Variants in ZNF697 observed in about 807,000 individuals in gnomAD.
ZNF697 encodes the protein zinc finger protein 697.
In ZNF697, 23 loss-of-function variants were observed where a neutral mutation model predicts 32.4. The ratio of observed to expected loss-of-function variants is 0.71; its 90% confidence interval spans 0.51 to 1.01. The LOEUF is 1.01. Ranked by LOEUF, ZNF697 falls within the 50% of genes least tolerant of loss-of-function variation. The pLI is 0.00. For synonymous variants in ZNF697, 418 were observed against 337.2 expected (o/e 1.24, Z -2.62); for missense variants, 930 against 794.0 (o/e 1.17, Z -2.06).
At chr1:119,634,893 G>A (rs1648878867) in intron 1 of ZNF697, among the ~76,000 whole-genome samples, 1 of 152,180 alleles carries the variant, frequency 6.6e-6, no homozygotes, top group Non-Finnish European at 1.5e-5. Flanking sequence ...TCAGGTGTTG[G>A]TACTGAGATT....
At position 119,622,300 on chromosome 1, in the gene ZNF697, C is replaced by G. The variant is rs1198998920; in HGVS notation, c.*405G>C. The G allele has an allele frequency of 5.8e-6, 1 of 172,958 alleles. No individual in the cohort carries two copies. Among genetic ancestry groups the G allele is most frequent in the African/African-American group, 2.4e-5 (1 of 41,962 alleles). The allele number at this position is 172,958 out of a possible 1,614,324, so 10.7% of individuals were successfully genotyped here. On this transcript the variant is annotated 3_prime_UTR_variant, in exon 3 of 3. Transcript: ENST00000421812. ...CACTTATACTTGGTTTTATTTCGCCCCATAACCCTCATTTAAACCCTCTCC... is the reference window on the plus strand; with the variant it reads ...CACTTATACTTGGTTTTATTTCGCCGCATAACCCTCATTTAAACCCTCTCC...
At chr1:119,646,671 C>T (rs886883755) in intron 1 of ZNF697, among the ~76,000 whole-genome samples, 8 of 152,144 alleles carry the variant, frequency 5.3e-5, no homozygotes, top group African/African-American at 1.7e-4. Context: ...GTTCCTCAAA[C>T]GTATTCCACA....
chr1:119,633,395 TA>T (rs1483206436), intron 1 of ZNF697, among the ~76,000 whole-genome samples: 80 of 143,696 alleles, frequency 5.6e-4, no homozygotes, highest in African/African-American at 1.6e-3. Context: ...TGTGTGTGTA[TA>T]GAGAGAGAGA....
chr1:119,633,245 A>G (rs1648828178), intron 1 of ZNF697, among the ~76,000 whole-genome samples: 1 of 152,210 alleles, frequency 6.6e-6, no homozygotes, highest in South Asian at 2.1e-4. Context: ...CATCTCTTTA[A>G]TATAAAACAC....
chr1:119,625,725 C>G lies in ZNF697; in HGVS notation c.226+150G>C, dbSNP rs1648558639. ...AAAAAGGATGGTCTTCAGGCTAACA[C>G]AAGAGAGGCAAGTCAGTACAGAATC... On this transcript the variant is annotated intron_variant, in intron 2 of 2. Coordinates refer to ENST00000421812, the MANE Select transcript of ZNF697 (RefSeq NM_001080470.2). 2.6e-6 allele frequency: 3 copies of G among 1,140,492 alleles called. No individual in the cohort carries two copies. The East Asian group carries it at 7.7e-5, about 29-fold the overall frequency. 70.6% of individuals were successfully genotyped at this position (1,140,492 alleles called of 1,614,324 possible). A position where few individuals can be genotyped will look rare whatever the true frequency, so the allele number is the denominator to read the frequency against.
At chr1:119,646,270 G>T (rs1013374421) in intron 1 of ZNF697, among the ~76,000 whole-genome samples, 2 of 150,670 alleles carry the variant, frequency 1.3e-5, no homozygotes, top group African/African-American at 4.9e-5. Context: ...TCTCTGTTGG[G>T]CATGGCTGAA....
chr1:119,629,746 G>T lies in ZNF697; in HGVS notation c.-37-3609C>A, dbSNP rs114462030. On this transcript the variant is annotated intron_variant, in intron 1 of 2. Coordinates refer to ENST00000421812, the MANE Select transcript of ZNF697 (RefSeq NM_001080470.2). ...TACACACCCCCATTCTAAATTGGGG[G>T]TCACCTATTCCCAGCTACGTTCATG... Among the ~76,000 whole-genome samples, 794 of 152,284 alleles carry T rather than the reference G, an allele frequency of 5.2e-3. 11 individuals carry two copies. The highest frequency in any genetic ancestry group is 0.018 in the African/African-American group (752 of 41,548).
At chr1:119,629,786 G>C (rs1219379291) in intron 1 of ZNF697, among the ~76,000 whole-genome samples, 2 of 152,162 alleles carry the variant, frequency 1.3e-5, no homozygotes, top group African/African-American at 4.8e-5. Context: ...ATGGCCTTTG[G>C]CAAGTACAAA....
rs1648275468 is a variant in ZNF697 at position 119,620,461 on chromosome 1, G to A, written c.*2244C>T. The A allele has an allele frequency of 6.6e-6, 1 of 152,592 alleles. No individual in the cohort carries two copies. The highest frequency in any genetic ancestry group is 1.5e-5 in the Non-Finnish European group (1 of 68,034). The allele number at this position is 152,592 out of a possible 1,614,324, so 9.5% of individuals were successfully genotyped here. A position where few individuals can be genotyped will look rare whatever the true frequency, so the allele number is the denominator to read the frequency against. ...AGACTTGAGAAAACTTAAAACAGCTGGAAGAGGTAGATGTACATGGAAAGA... is the reference window on the plus strand; with the variant it reads ...AGACTTGAGAAAACTTAAAACAGCTAGAAGAGGTAGATGTACATGGAAAGA... On this transcript the variant is annotated 3_prime_UTR_variant, in exon 3 of 3. Coordinates refer to ENST00000421812, the MANE Select transcript of ZNF697 (RefSeq NM_001080470.2).
intron 1 of ZNF697, among the ~76,000 whole-genome samples, chr1:119,646,357 A>G (rs1358590602): frequency 6.7e-6 from 1 of 149,814 alleles, no homozygotes; most frequent in African/African-American, 2.5e-5. Flanking sequence ...ACACACACAC[A>G]CACACACGGC....
Position 119,624,012 on chromosome 1 carries a change from T to C in ZNF697, c.331A>G (p.Ser111Gly). 1.2e-6 allele frequency: 2 copies of C among 1,613,230 alleles called. No homozygotes were observed. Among genetic ancestry groups the C allele is most frequent in the Non-Finnish European group, 8.5e-7 (1 of 1,179,672 alleles). ...AMFPGLSESD[S>G]ISRSLREDDD... ...TCCTCCCGGAGGCTCCGGGATATGCTGTCAGACTCAGACAGTCCTGGGAAC... is the reference window on the plus strand; with the variant it reads ...TCCTCCCGGAGGCTCCGGGATATGCCGTCAGACTCAGACAGTCCTGGGAAC... The change falls in exon 3 of 3, where the codon AGC becomes GGC. Residue 111 changes from serine to glycine, a missense_variant. Transcript: ENST00000421812.
chr1:119,643,158 C>G (rs145857977), intron 1 of ZNF697, among the ~76,000 whole-genome samples: 190 of 152,296 alleles, frequency 1.2e-3, no homozygotes, highest in African/African-American at 3.8e-3. Flanking sequence ...TGAAGTAACT[C>G]TCTGAATAAA....
chr1:119,641,475 T>C (rs1449853877), intron 1 of ZNF697, among the ~76,000 whole-genome samples: 2 of 152,034 alleles, frequency 1.3e-5, no homozygotes, highest in African/African-American at 4.8e-5. Flanking sequence ...AACCAAGATA[T>C]AGAAAGAACT....
intron 1 of ZNF697, among the ~76,000 whole-genome samples, chr1:119,640,477 T>C (rs1311296375): frequency 6.6e-6 from 1 of 152,224 alleles, no homozygotes; most frequent in Admixed American, 6.5e-5. Context: ...GCCTCAAAAG[T>C]TAGGCAGACC....
intron 1 of ZNF697, among the ~76,000 whole-genome samples, chr1:119,627,446 CCTTT>C (rs1648622342): frequency 6.6e-6 from 1 of 152,174 alleles, no homozygotes; most frequent in Admixed American, 6.6e-5. Flanking sequence ...GGCTACTTAA[CCTTT>C]CTCACAGGGA....
At chr1:119,632,131 G>A (rs1357708796) in intron 1 of ZNF697, among the ~76,000 whole-genome samples, 1 of 152,166 alleles carries the variant, frequency 6.6e-6, no homozygotes, top group Non-Finnish European at 1.5e-5. Context: ...CCTCCTCACT[G>A]CTAAGTTTAT....
chr1:119,645,818 C>T (rs1361654053), intron 1 of ZNF697, among the ~76,000 whole-genome samples: 2 of 152,138 alleles, frequency 1.3e-5, no homozygotes, highest in African/African-American at 4.8e-5. Flanking sequence ...CAAAGAAAAG[C>T]CCATATGGTA....
rs759831542 is a variant in ZNF697, at chr1:119,623,663, A to T, written c.680T>A (p.Leu227Gln). 1 of 1,232,306 alleles carries T rather than the reference A, an allele frequency of 8.1e-7. No homozygotes were observed. The highest frequency in any genetic ancestry group is 1.3e-5 in the South Asian group (1 of 78,554). 76.3% of individuals were successfully genotyped at this position (1,232,306 alleles called of 1,614,324 possible). A position where few individuals can be genotyped will look rare whatever the true frequency, so the allele number is the denominator to read the frequency against. The change falls in exon 3 of 3, where the codon CTG becomes CAG. Residue 227 changes from leucine to glutamine, a missense_variant. Coordinates refer to ENST00000421812, the MANE Select transcript of ZNF697 (RefSeq NM_001080470.2). Reference sequence around the variant, plus strand: ...CACCATCGCGTCGCACTCGCCCGCCAGGCCGAAGGGCTCCAGGCTGGCGGC... The same window carrying T: ...CACCATCGCGTCGCACTCGCCCGCCTGGCCGAAGGGCTCCAGGCTGGCGGC... ...AAAASLEPFGLAGECDAMVGM... is the reference protein window; with the variant it reads ...AAAASLEPFGQAGECDAMVGM...
intron 1 of ZNF697, among the ~76,000 whole-genome samples, chr1:119,646,807 G>A (rs1265811424): frequency 1.3e-5 from 2 of 152,160 alleles, no homozygotes; most frequent in Non-Finnish European, 2.9e-5. Context: ...GCTGAGTTCA[G>A]TTACAACAGT....
Sources: allele counts gnomAD v4.1 joint callset (sites outside exome capture counted in the v4.1 genomes callset), GRCh38; gene constraint gnomAD v4.1.1; transcripts MANE v1.5; gene names NCBI Gene and HGNC (gene_info 2026-07-23, HGNC 2026-07-21).